MACROD2: variants seen among roughly 807,000 people sequenced by gnomAD.
The protein encoded by MACROD2 is ADP-ribose glycohydrolase MACROD2.
A neutral mutation model predicts 70.4 loss-of-function variants in MACROD2; 36 were observed. The ratio of observed to expected loss-of-function variants is 0.51; its 90% CI spans 0.39 to 0.68. The LOEUF (loss-of-function observed/expected upper bound fraction) is 0.68, where lower values mean the gene tolerates loss of function less well. Among genes scored for constraint, MACROD2 ranks in the 30% least tolerant of loss-of-function variants. The pLI, the probability that MACROD2 is intolerant of heterozygous loss-of-function variation, is 0.00. For missense variants in MACROD2, 496 were observed against 538.4 expected, an observed-to-expected ratio of 0.92 and a Z score of 0.78; for synonymous variants, 172 against 178.8, an observed-to-expected ratio of 0.96 and a Z score of 0.30.
intron 5 of MACROD2, among the ~76,000 whole-genome samples, chr20:14,836,716 T>A (rs1193024741): frequency 1.3e-5 from 2 of 152,040 alleles, no homozygotes; most frequent in African/African-American, 4.8e-5. Context: ...GGGTAAGAGG[T>A]CCATAGAGGC....
At chr20:15,691,820 A>G (rs2050302629) in intron 8 of MACROD2, among the ~76,000 whole-genome samples, 2 of 152,098 alleles carry the variant, frequency 1.3e-5, no homozygotes, top group Admixed American at 6.5e-5. Flanking sequence ...TGACCGCTTT[A>G]TCCTATGTCA....
chr20:14,202,307 GTGTCAAAAC>G (rs1307296115), intron 3 of MACROD2, among the ~76,000 whole-genome samples: 1 of 152,048 alleles, frequency 6.6e-6, no homozygotes, highest in Non-Finnish European at 1.5e-5. Context: ...AGATTCATTG[GTGTCAAAAC>G]TGTTTGCTTA....
chr20:14,008,663 C>T (rs1310092399), intron 2 of MACROD2, among the ~76,000 whole-genome samples: 2 of 152,122 alleles, frequency 1.3e-5, no homozygotes, highest in East Asian at 3.8e-4. Context: ...ATAGCCAAGA[C>T]AGTCCTAAGC....
chr20:15,458,895 C>T (rs993403222), intron 7 of MACROD2, among the ~76,000 whole-genome samples: 26 of 152,162 alleles, frequency 1.7e-4, no homozygotes, highest in African/African-American at 6.3e-4. Flanking sequence ...CTCAGTGGTG[C>T]GTACTGTGTG....
At chr20:15,954,853 GT>G (rs1285600960) in intron 12 of MACROD2, among the ~76,000 whole-genome samples, 1 of 152,120 alleles carries the variant, frequency 6.6e-6, no homozygotes, top group Non-Finnish European at 1.5e-5. Flanking sequence ...AACTGCACAT[GT>G]TTTCATGCCT....
intron 6 of MACROD2, among the ~76,000 whole-genome samples, chr20:15,399,957 T>C (rs35351266): frequency 5.4e-4 from 82 of 152,290 alleles, no homozygotes; most frequent in Non-Finnish European, 1.0e-3. Flanking sequence ...TTTGCTGTGG[T>C]GGACCAGCAG....
At chr20:14,137,605 A>T (rs1019354479) in intron 3 of MACROD2, among the ~76,000 whole-genome samples, 1 of 152,232 alleles carries the variant, frequency 6.6e-6, no homozygotes, top group African/African-American at 2.4e-5. Context: ...TCATATTCTT[A>T]TCCTACATCA....
At chr20:14,143,685 G>A (rs1222111241) in intron 3 of MACROD2, among the ~76,000 whole-genome samples, 2 of 152,126 alleles carry the variant, frequency 1.3e-5, no homozygotes, top group African/African-American at 2.4e-5. Context: ...TAAAGTTTCT[G>A]CTCAGGCCAT....
At chr20:15,206,719 A>AGGTTTTTTTTTTT (rs1568636090) in intron 5 of MACROD2, among the ~76,000 whole-genome samples, 1 of 48,130 alleles carries the variant, frequency 2.1e-5, no homozygotes, top group Non-Finnish European at 3.9e-5. Context: ...CATATTATCT[A>AGGTTTTTTTTTTT]TGTTTTTTTT....
At chr20:14,914,547 C>A (rs145752080) in intron 5 of MACROD2, among the ~76,000 whole-genome samples, 1,674 of 152,266 alleles carry the variant, frequency 0.011, 30 homozygotes, top group East Asian at 0.056. Context: ...ACAAAACATT[C>A]TCTTACAATG....
intron 3 of MACROD2, among the ~76,000 whole-genome samples, chr20:14,193,031 C>T (rs2081400986): frequency 6.6e-6 from 1 of 152,236 alleles, no homozygotes; most frequent in Non-Finnish European, 1.5e-5. Context: ...GGAGCATCCT[C>T]ATCTAAATAG....
intron 8 of MACROD2, among the ~76,000 whole-genome samples, chr20:15,564,063 G>T (rs924315740): frequency 1.3e-5 from 2 of 152,006 alleles, no homozygotes; most frequent in African/African-American, 4.8e-5. Context: ...TTCTCATGTC[G>T]CCAGTTTAAT....
In MACROD2 at chr20:15,816,333, T is replaced by C. The variant is rs73614460; in HGVS notation, c.646-46412T>C. Among the ~76,000 whole-genome samples, 161 of 152,258 alleles carry C rather than the reference T, an allele frequency of 1.1e-3. 1 individual carries two copies. The East Asian group carries it at 0.013, about 12-fold the overall frequency. ...AATGACTTTTGTATGCTAGGTCAAC[T>C]CCATCGAACCCCCAAATTGTACTGG... On this transcript the variant is annotated intron_variant, in intron 8 of 17. Transcript: ENST00000684519.
chr20:15,617,040 C>G (rs539730548), intron 8 of MACROD2, among the ~76,000 whole-genome samples: 1 of 152,144 alleles, frequency 6.6e-6, no homozygotes. Flanking sequence ...TTTCTGAGTT[C>G]GAGACTAATG....
chr20:14,002,795 A>G (rs1337743357), intron 2 of MACROD2, among the ~76,000 whole-genome samples: 1 of 152,192 alleles, frequency 6.6e-6, no homozygotes, highest in Non-Finnish European at 1.5e-5. Context: ...CAGCTGAAAG[A>G]GAGAGTATAT....
intron 8 of MACROD2, among the ~76,000 whole-genome samples, chr20:15,501,110 A>G (rs770707655): frequency 1.4e-4 from 21 of 152,242 alleles, no homozygotes; most frequent in Admixed American, 6.5e-5. Flanking sequence ...TCCAGCTCTC[A>G]TAACTCACTG....
intron 8 of MACROD2, among the ~76,000 whole-genome samples, chr20:15,528,361 C>A (rs1211789347): frequency 6.6e-6 from 1 of 152,206 alleles, no homozygotes; most frequent in African/African-American, 2.4e-5. Flanking sequence ...TCTTGAACTC[C>A]TGACCTGCCT....
chr20:14,073,563 A>G (rs1194079608), intron 2 of MACROD2, among the ~76,000 whole-genome samples: 1 of 152,210 alleles, frequency 6.6e-6, no homozygotes, highest in Non-Finnish European at 1.5e-5. Context: ...TTATATGGAC[A>G]ATAATTCACA....
chr20:14,510,590 T>G (rs2085018912), intron 4 of MACROD2, among the ~76,000 whole-genome samples: 1 of 151,992 alleles, frequency 6.6e-6, no homozygotes, highest in Non-Finnish European at 1.5e-5. Context: ...TGGAGCGAGT[T>G]TTGTCTTGTC....
Sources: allele counts gnomAD v4.1 joint callset (sites outside exome capture counted in the v4.1 genomes callset), GRCh38; gene constraint gnomAD v4.1.1; transcripts MANE v1.5; gene names NCBI Gene and HGNC (gene_info 2026-07-23, HGNC 2026-07-21).